Variants in MED14 observed in about 807,000 individuals in gnomAD.
MED14 encodes the protein mediator of RNA polymerase II transcription subunit 14.
In MED14, 8 loss-of-function variants were observed where a neutral mutation model predicts 109.0. That is an observed-to-expected ratio of 0.07 (90% CI 0.04 to 0.13). MED14 has a LOEUF of 0.13. Among genes scored for constraint, MED14 ranks in the 10% least tolerant of loss-of-function variants. The probability of loss-of-function intolerance (pLI) is 1.00; values close to 1 mark genes in which losing one functional copy is unlikely to be tolerated. For missense variants in MED14, 711 were observed against 1,142.4 expected (o/e 0.62, Z 5.44); for synonymous variants, 399 against 408.7 (o/e 0.98, Z 0.29).
intron 28 of MED14, among the ~76,000 whole-genome samples, chrX:40,658,134 A>G (rs1353877341): frequency 9.4e-6 from 1 of 106,206 alleles, no homozygotes; most frequent in Admixed American, 1.0e-4. Context: ...TCCATCACCC[A>G]AGCTGGAGTG....
At chrX:40,679,522 T>C (rs758539798) in intron 21 of MED14, among the ~76,000 whole-genome samples, 1 of 111,463 alleles carries the variant, frequency 9.0e-6, no homozygotes, top group African/African-American at 3.3e-5. Context: ...TAAATAAGCA[T>C]CACAGTAGAA....
At position 40,665,036 on chromosome X, in the gene MED14, TA is replaced by T. The variant is rs1307867287; in HGVS notation, c.3266-548del. 3.6e-5 allele frequency among the ~76,000 whole-genome samples: 4 copies of T among 112,024 alleles called. No homozygotes were observed. The East Asian group carries it at 1.1e-3, about 31-fold the overall frequency. On this transcript the variant is annotated intron_variant, in intron 24 of 30. Coordinates refer to ENST00000324817, the MANE Select transcript of MED14 (RefSeq NM_004229.4). ...TACGAAGATATTCAAAAATAAAAAATAAATAAATTTCATCCTCCAGATACCT... is the reference window on the plus strand; with the variant it reads ...TACGAAGATATTCAAAAATAAAAAATAATAAATTTCATCCTCCAGATACCT...
At chrX:40,674,600 A>G (rs1045162798) in intron 22 of MED14, among the ~76,000 whole-genome samples, 2 of 112,026 alleles carry the variant, frequency 1.8e-5, no homozygotes, top group Non-Finnish European at 3.8e-5. Context: ...TCCGGCCCAG[A>G]GTCTACAGCC....
intron 12 of MED14, among the ~76,000 whole-genome samples, chrX:40,700,567 T>C (rs1930898130): frequency 9.1e-6 from 1 of 110,246 alleles, no homozygotes; most frequent in Admixed American, 9.7e-5. Flanking sequence ...TTTTAGTCTC[T>C]GAATTTTTTT....
chrX:40,730,732 A>G (rs1050379552), intron 1 of MED14, among the ~76,000 whole-genome samples: 3 of 111,219 alleles, frequency 2.7e-5, no homozygotes, highest in African/African-American at 9.8e-5. Flanking sequence ...AAGTTCTAAA[A>G]TGCAAATGTT....
intron 13 of MED14, among the ~76,000 whole-genome samples, chrX:40,695,395 G>A (rs927842235): frequency 2.7e-5 from 3 of 112,229 alleles, no homozygotes; most frequent in Non-Finnish European, 5.6e-5. Context: ...TCTTCTTAAT[G>A]TCCATGTTAG....
intron 24 of MED14, among the ~76,000 whole-genome samples, 187 bp downstream of exon 24, chrX:40,666,533 G>A: frequency 9.0e-6 from 1 of 111,463 alleles, no homozygotes; most frequent in East Asian, 2.8e-4. Context: ...CCAAGGCAGA[G>A]ACAAACTCAC....
chrX:40,732,161 G>C (rs1044068602), intron 1 of MED14, among the ~76,000 whole-genome samples: 13 of 112,763 alleles, frequency 1.2e-4, no homozygotes, highest in African/African-American at 4.2e-4. Flanking sequence ...AATTCACACA[G>C]ATTTCTAGGG....
In MED14 at chrX:40,692,751, C is replaced by T. The variant is rs371815878; in HGVS notation, c.1802G>A (p.Arg601His). 3.5e-5 allele frequency: 42 copies of T among 1,207,203 alleles called. No individual in the cohort carries two copies. The highest frequency in any genetic ancestry group is 1.3e-4 in the Admixed American group (6 of 44,943). Residue 601 changes from arginine (R) to histidine (H), a missense_variant, in exon 14 of 31, where the codon CGT becomes CAT. Arg to His is a conservative substitution (Grantham distance 29, BLOSUM62 0). Coordinates refer to ENST00000324817, the MANE Select transcript of MED14 (RefSeq NM_004229.4). Reference protein sequence around the residue: ...FKENIQDLVFRTKTGKQTRTN... With the variant: ...FKENIQDLVFHTKTGKQTRTN... Reference sequence around the variant, plus strand: ...TCTGGTCTGTTTCCCGGTTTTTGTACGAAAAACCAAGTCCTGAATGTTTTC... The same window carrying T: ...TCTGGTCTGTTTCCCGGTTTTTGTATGAAAAACCAAGTCCTGAATGTTTTC...
At chrX:40,732,922 CAG>C (rs2146754171) in intron 1 of MED14, among the ~76,000 whole-genome samples, 1 of 110,548 alleles carries the variant, frequency 9.0e-6, no homozygotes, top group South Asian at 3.8e-4. Context: ...GGTTAAGGAA[CAG>C]AGAAGGCACA....
At chrX:40,687,025 C>A (rs976927759) in intron 16 of MED14, among the ~76,000 whole-genome samples, 10 of 111,570 alleles carry the variant, frequency 9.0e-5, no homozygotes, top group African/African-American at 3.3e-4. Context: ...TAATTTACTA[C>A]CCCAGCTCAA....
chrX:40,675,300 T>C lies in MED14; in HGVS notation c.2942A>G (p.Asp981Gly). ...TCCTATAGGAGAAGGGGGATTATCG[T>C]CCTCATTTACAGACCTTCTTCGAGC... ...QDARRRSVNE[D>G]DNPPSPIGGD... Residue 981 changes from aspartate to glycine, a missense_variant, in exon 22 of 31, where the codon GAC becomes GGC. This residue lies in a region of MED14 where 100 missense variants were observed against 147.5 expected (regional missense o/e 0.68). Transcript: ENST00000324817. 1 of 1,198,351 alleles carries C rather than the reference T, an allele frequency of 8.3e-7. No individual in the cohort carries two copies. The highest frequency in any genetic ancestry group is 1.1e-6 in the Non-Finnish European group (1 of 888,936).
intron 7 of MED14, among the ~76,000 whole-genome samples, chrX:40,711,605 CA>C (rs1162989614): frequency 9.1e-6 from 1 of 110,447 alleles, no homozygotes; most frequent in Non-Finnish European, 1.9e-5. Flanking sequence ...TTTCACCAAA[CA>C]GTACTTTTTT....
In MED14 at chrX:40,729,351, A is replaced by G; in HGVS notation, c.216-6T>C. ...CATCAGATTTCCTTGGCAGTCTAAG[A>G]AGAAAAAAAAAAAACGGATTAGATA... On this transcript the variant is annotated splice_region_variant and splice_polypyrimidine_tract_variant and intron_variant, in intron 1 of 30. Coordinates refer to ENST00000324817, the MANE Select transcript of MED14 (RefSeq NM_004229.4). 1 of 1,188,170 alleles carries G rather than the reference A, an allele frequency of 8.4e-7. No homozygotes were observed. The highest frequency in any genetic ancestry group is 1.1e-6 in the Non-Finnish European group (1 of 887,380).
chrX:40,691,616 T>TTTC (rs1930512372), intron 15 of MED14, among the ~76,000 whole-genome samples: 2 of 87,443 alleles, frequency 2.3e-5, no homozygotes, highest in African/African-American at 8.1e-5. Flanking sequence ...TCTTTTTTTT[T>TTTC]TTTTTTTTTT....
intron 3 of MED14, among the ~76,000 whole-genome samples, chrX:40,724,157 T>G (rs1440660627): frequency 8.9e-6 from 1 of 112,367 alleles, no homozygotes; most frequent in African/African-American, 3.2e-5. Flanking sequence ...TAAACATATA[T>G]GTATCCAACA....
intron 23 of MED14, among the ~76,000 whole-genome samples, chrX:40,670,528 G>A (rs867745466): frequency 9.0e-6 from 1 of 111,285 alleles, no homozygotes; most frequent in East Asian, 2.8e-4. Context: ...TTGGGAGGCC[G>A]AGGCGGGTGG....
intron 16 of MED14, among the ~76,000 whole-genome samples, chrX:40,686,530 G>A (rs888419857): frequency 3.6e-5 from 4 of 111,454 alleles, no homozygotes; most frequent in Non-Finnish European, 5.7e-5. Context: ...TCCTGAAAAC[G>A]TTTTTGTGGA....
chrX:40,678,615 A>T (rs1411387734), intron 21 of MED14, among the ~76,000 whole-genome samples: 1 of 110,653 alleles, frequency 9.0e-6, no homozygotes, highest in Non-Finnish European at 1.9e-5. Flanking sequence ...AAAAAATTTA[A>T]TAAGAATTAA....
Sources: gnomAD v4.1 joint callset for allele counts (sites outside exome capture counted in the v4.1 genomes callset) on GRCh38, gnomAD v4.1.1 for gene constraint, gnomAD v4.1.1 regional missense constraint, MANE v1.5 for transcripts, NCBI Gene and HGNC (gene_info 2026-07-23, HGNC 2026-07-21) for gene names.